The following KLHL1 variants were observed in gnomAD, a reference collection of about 807,000 sequenced individuals.
The protein encoded by KLHL1 is kelch like family member 1.
A neutral mutation model predicts 77.7 loss-of-function variants in KLHL1; 47 were observed. That is an observed-to-expected ratio of 0.60 (90% CI 0.48 to 0.77). The LOEUF is 0.77. KLHL1 is among the 30% of genes least tolerant of loss of function. The pLI, the probability that KLHL1 is intolerant of heterozygous loss-of-function variation, is 0.00. For synonymous variants in KLHL1, 360 were observed against 325.2 expected, an observed-to-expected ratio of 1.11 and a Z score of -1.15; for missense variants, 925 against 910.8, an observed-to-expected ratio of 1.02 and a Z score of -0.20.
intron 1 of KLHL1, among the ~76,000 whole-genome samples, chr13:70,083,046 T>TA: frequency 6.6e-6 from 1 of 151,646 alleles, no homozygotes; most frequent in Non-Finnish European, 1.5e-5. Flanking sequence ...TTAAGAAAAA[T>TA]AAAAAATGAA....
chr13:69,828,597 T>TG lies in KLHL1; in HGVS notation c.1414+10378dup, dbSNP rs1878637357. ...ATAGGAACACAGAGGCTAAAGCAAGTGGGGAGGGGTGAGGCCTAAAAACCT... is the reference window on the plus strand; with the variant it reads ...ATAGGAACACAGAGGCTAAAGCAAGTGGGGGAGGGGTGAGGCCTAAAAACCT... On this transcript the variant is annotated intron_variant, in intron 6 of 10. Transcript: ENST00000377844. Among the ~76,000 whole-genome samples the TG allele has an allele frequency of 2.7e-5, 4 of 149,928 alleles. No homozygotes were observed. In the South Asian group the frequency reaches 8.4e-4, roughly 31 times the overall value.
At chr13:69,751,226 T>A (rs1441241186) in intron 7 of KLHL1, among the ~76,000 whole-genome samples, 2 of 151,750 alleles carry the variant, frequency 1.3e-5, no homozygotes, top group African/African-American at 4.8e-5. Context: ...GTTTAGCAGT[T>A]TGCTAACTTT....
intron 3 of KLHL1, among the ~76,000 whole-genome samples, chr13:69,947,902 T>A (rs2137250077): frequency 6.6e-6 from 1 of 152,264 alleles, no homozygotes; most frequent in East Asian, 1.9e-4. Flanking sequence ...GAAAGAAAAG[T>A]AATTCTACAT....
chr13:70,054,110 GC>G (rs1886690341), intron 1 of KLHL1, among the ~76,000 whole-genome samples: 1 of 152,058 alleles, frequency 6.6e-6, no homozygotes, highest in Admixed American at 6.6e-5. Flanking sequence ...TCAAGAAAAA[GC>G]CAGGGAAGAA....
At chr13:69,763,386 T>C (rs562592850) in intron 7 of KLHL1, among the ~76,000 whole-genome samples, 9 of 152,312 alleles carry the variant, frequency 5.9e-5, no homozygotes, top group African/African-American at 2.2e-4. Context: ...TGGAGACTTT[T>C]GCTAAGGAGC....
intron 1 of KLHL1, among the ~76,000 whole-genome samples, chr13:69,985,809 ATAT>A (rs1884850374): frequency 6.8e-6 from 1 of 146,440 alleles, no homozygotes; most frequent in African/African-American, 2.5e-5. Flanking sequence ...ATATATTTAT[ATAT>A]TATATATTAT....
At chr13:70,005,600 G>C (rs992532813) in intron 1 of KLHL1, among the ~76,000 whole-genome samples, 1 of 151,424 alleles carries the variant, frequency 6.6e-6, no homozygotes, top group Non-Finnish European at 1.5e-5. Flanking sequence ...TTAGATATAT[G>C]TTAATGTATC....
intron 4 of KLHL1, among the ~76,000 whole-genome samples, chr13:69,889,659 T>C (rs955774341): frequency 2.0e-5 from 3 of 152,002 alleles, no homozygotes; most frequent in African/African-American, 7.2e-5. Context: ...TGATTATGGG[T>C]GATTTAATTT....
chr13:70,006,500 A>T (rs1165654803), intron 1 of KLHL1, among the ~76,000 whole-genome samples: 12 of 94,050 alleles, frequency 1.3e-4, no homozygotes, highest in Admixed American at 1.2e-3. Flanking sequence ...ATTCCCCCTC[A>T]AGTTTTTTTT....
chr13:69,786,079 C>A (rs1213926346), intron 7 of KLHL1, among the ~76,000 whole-genome samples: 1 of 152,068 alleles, frequency 6.6e-6, no homozygotes, highest in Non-Finnish European at 1.5e-5. Flanking sequence ...ACCAGAGGTA[C>A]AAGGAGGAGC....
At chr13:69,976,351 C>CA (rs995468360) in intron 1 of KLHL1, among the ~76,000 whole-genome samples, 7 of 151,590 alleles carry the variant, frequency 4.6e-5, no homozygotes, top group African/African-American at 1.7e-4. Flanking sequence ...CACTATTAAA[C>CA]AAAAAAGTAG....
intron 1 of KLHL1, among the ~76,000 whole-genome samples, chr13:70,077,402 A>G (rs1887290463): frequency 6.6e-6 from 1 of 151,914 alleles, no homozygotes; most frequent in South Asian, 2.1e-4. Context: ...GCCATTCTGG[A>G]AAAGGCCAAA....
intron 1 of KLHL1, among the ~76,000 whole-genome samples, chr13:70,039,783 G>T (rs988123705): frequency 6.6e-5 from 10 of 151,618 alleles, no homozygotes; most frequent in African/African-American, 2.4e-4. Flanking sequence ...GGAACTATAG[G>T]TATGTACCAT....
chr13:70,104,303 G>A (rs1454717882), intron 1 of KLHL1, among the ~76,000 whole-genome samples: 1 of 152,118 alleles, frequency 6.6e-6, no homozygotes, highest in African/African-American at 2.4e-5. Flanking sequence ...GTGGGATGCA[G>A]GTAGTGAGCA....
chr13:69,945,458 GAAAGA>G (rs1883494794), intron 3 of KLHL1, among the ~76,000 whole-genome samples: 7 of 117,860 alleles, frequency 5.9e-5, no homozygotes, highest in Admixed American at 2.4e-4. Context: ...CTAGTTAAAA[GAAAGA>G]AAAAAAAAAA....
At chr13:69,799,338 G>A (rs1877271759) in intron 6 of KLHL1, among the ~76,000 whole-genome samples, 2 of 152,172 alleles carry the variant, frequency 1.3e-5, no homozygotes, top group African/African-American at 4.8e-5. Context: ...TTAGGAATGA[G>A]TGAAATTAAG....
At chr13:69,720,615 T>C (rs1873001656) in intron 8 of KLHL1, among the ~76,000 whole-genome samples, 1 of 151,958 alleles carries the variant, frequency 6.6e-6, no homozygotes, top group Non-Finnish European at 1.5e-5. Flanking sequence ...AGGGTAGAGA[T>C]TGTGGATACA....
chr13:69,781,704 TC>T (rs1876219971), intron 7 of KLHL1, among the ~76,000 whole-genome samples: 1 of 152,186 alleles, frequency 6.6e-6, no homozygotes, highest in Non-Finnish European at 1.5e-5. Context: ...ACACATAAAA[TC>T]CGTTTTTTTG....
intron 7 of KLHL1, among the ~76,000 whole-genome samples, chr13:69,781,112 G>C (rs1005802938): frequency 1.3e-5 from 2 of 151,938 alleles, no homozygotes; most frequent in African/African-American, 4.8e-5. Context: ...TCTTGCAGGG[G>C]GAGACAGTCT....
Sources: gnomAD v4.1 joint callset for allele counts (sites outside exome capture counted in the v4.1 genomes callset) on GRCh38, gnomAD v4.1.1 for gene constraint, MANE v1.5 for transcripts, NCBI Gene and HGNC (gene_info 2026-07-23, HGNC 2026-07-21) for gene names.